ATAD5: variants seen among roughly 807,000 people sequenced by gnomAD.
ATAD5 encodes the protein ATPase family AAA domain containing 5, also known as ATPase family AAA domain-containing protein 5.
In ATAD5, 58 loss-of-function variants were observed where a neutral mutation model predicts 176.9. The observed-to-expected ratio is 0.33, with a 90% CI of 0.27 to 0.41. The LOEUF (loss-of-function observed/expected upper bound fraction) is 0.41. ATAD5 is among the 10% of genes least tolerant of loss of function. The probability of loss-of-function intolerance (pLI) is 1.00; values close to 1 mark genes in which losing one functional copy is unlikely to be tolerated. For synonymous variants in ATAD5, 640 were observed against 712.6 expected, an observed-to-expected ratio of 0.90 and a Z score of 1.62; for missense variants, 1,789 against 2,094.1, an observed-to-expected ratio of 0.85 and a Z score of 2.84.
chr17:30,869,047 C>G (rs1176934508), intron 12 of ATAD5, among the ~76,000 whole-genome samples: 3 of 150,876 alleles, frequency 2.0e-5, no homozygotes, highest in Non-Finnish European at 4.4e-5. Flanking sequence ...AGGCTGGTCT[C>G]GAACTCCTGA....
At chr17:30,892,577 A>G (rs1343796120) in intron 19 of ATAD5, 30 bp from the exon 20 acceptor site, 3 of 1,484,946 alleles carry the variant, frequency 2.0e-6, no homozygotes, top group East Asian at 4.7e-5. Flanking sequence ...TAATACATAT[A>G]TAGAGCTAAG....
intron 7 of ATAD5, 99 bp downstream of exon 7, chr17:30,855,426 C>A: frequency 8.1e-7 from 1 of 1,232,526 alleles, no homozygotes; most frequent in Non-Finnish European, 1.1e-6. Context: ...GTTTAATTAT[C>A]ATTCTTATGG....
intron 20 of ATAD5, among the ~76,000 whole-genome samples, 179 bp from the exon 21 acceptor site, chr17:30,893,115 A>G (rs1003766380): frequency 6.6e-6 from 1 of 152,186 alleles, no homozygotes; most frequent in Non-Finnish European, 1.5e-5. Flanking sequence ...TTAATCGTCT[A>G]AATTTAATTT....
At chr17:30,833,470 A>G (rs1905504789) in intron 1 of ATAD5, among the ~76,000 whole-genome samples, 1 of 152,226 alleles carries the variant, frequency 6.6e-6, no homozygotes, top group Non-Finnish European at 1.5e-5. Flanking sequence ...TCTACAAATG[A>G]AAGAAGGTAA....
chr17:30,882,551 C>T (rs1909089153), intron 18 of ATAD5, among the ~76,000 whole-genome samples: 1 of 151,756 alleles, frequency 6.6e-6, no homozygotes, highest in Non-Finnish European at 1.5e-5. Flanking sequence ...GATTGTGCCA[C>T]AGCACTCCAG....
chr17:30,880,347 G>A (rs961991655), intron 18 of ATAD5, among the ~76,000 whole-genome samples: 3 of 152,120 alleles, frequency 2.0e-5, no homozygotes, highest in East Asian at 1.9e-4. Context: ...AGTGGCTCAC[G>A]CCTGTAATCC....
chr17:30,856,117 A>C (rs1473510509), intron 7 of ATAD5, among the ~76,000 whole-genome samples: 3 of 152,194 alleles, frequency 2.0e-5, no homozygotes, highest in Non-Finnish European at 4.4e-5. Flanking sequence ...CTGCCATAAA[A>C]CTTAGCATAT....
At chr17:30,879,177 AAAACTT>A (rs1399528810) in intron 17 of ATAD5, among the ~76,000 whole-genome samples, 4 of 152,094 alleles carry the variant, frequency 2.6e-5, no homozygotes, top group Non-Finnish European at 5.9e-5. Flanking sequence ...TCTCTACAAA[AAAACTT>A]AAAAATTATC....
In ATAD5 at chr17:30,869,233, T is replaced by C; in HGVS notation, c.3314-15T>C. The stretch of plus-strand genomic sequence containing the variant: ...CAGCAATTGTCATTTTATATGCATT[T>C]GAATAATTTTTCAGATTTCTCGGGT... On this transcript the variant is annotated splice_polypyrimidine_tract_variant and intron_variant, in intron 12 of 22. Transcript: ENST00000321990. The C allele has an allele frequency of 6.3e-7, 1 of 1,590,250 alleles. No homozygotes were observed. Among genetic ancestry groups the C allele is most frequent in the Non-Finnish European group, 8.5e-7 (1 of 1,173,302 alleles).
At chr17:30,878,716 G>GTTTTTTTTTT (rs1567696442) in intron 17 of ATAD5, among the ~76,000 whole-genome samples, 1 of 82,658 alleles carries the variant, frequency 1.2e-5, no homozygotes. Context: ...AAGTTAGGTG[G>GTTTTTTTTTT]TGTTTTTTTT....
At chr17:30,859,827 G>T (rs1447812725) in intron 9 of ATAD5, among the ~76,000 whole-genome samples, 1 of 146,830 alleles carries the variant, frequency 6.8e-6, no homozygotes, top group African/African-American at 2.5e-5. Context: ...AGGTTCCACC[G>T]ATTCTCCTGC....
rs181925781 is a variant in ATAD5, at chr17:30,834,573, A to C, written c.492A>C (p.Gln164His). 3.2e-5 allele frequency: 52 copies of C among 1,608,266 alleles called. No individual in the cohort carries two copies. The Admixed American group carries it at 6.1e-4, about 19-fold the overall frequency. ...SSTSVLRYKK[Q>H]VEVLAENIQD... ...CTTCTGTTTTACGTTACAAGAAACA[A>C]GTAGAGGTACTTGCAGAAAACATTC... The change falls in exon 2 of 23, where the codon CAA (glutamine) becomes CAC (histidine). Residue 164 changes from glutamine to histidine, a missense_variant. Physicochemically the swap from Gln to His is conservative, Grantham distance 24. Around this residue, in one of 6 missense-constraint regions of ATAD5, gnomAD observed 696 missense variants for 712.5 expected, o/e 0.98. Coordinates refer to ENST00000321990, the MANE Select transcript of ATAD5 (RefSeq NM_024857.5).
intron 14 of ATAD5, among the ~76,000 whole-genome samples, chr17:30,875,619 A>G (rs1908609483): frequency 6.6e-6 from 1 of 151,882 alleles, no homozygotes; most frequent in Non-Finnish European, 1.5e-5. Context: ...CAACATGGCA[A>G]AACCCATCTC....
In ATAD5 at chr17:30,876,464, C is replaced by T. The variant is rs774092649; in HGVS notation, c.3698C>T (p.Pro1233Leu). The change falls in exon 15 of 23, where the codon CCT becomes CTT. Residue 1233 changes from proline to leucine, a missense_variant. Physicochemically the swap from Pro to Leu is moderately conservative, Grantham distance 98. This residue lies in a region of ATAD5 where 194 missense variants were observed against 270.1 expected (regional missense o/e 0.72). Coordinates refer to ENST00000321990, the MANE Select transcript of ATAD5 (RefSeq NM_024857.5). ...AGTAGTGGACCAAAGCGAGCACTTC[C>T]TCCCAAAACCTTGGCAAATTATTTT... ...PKSSGPKRAL[P>L]PKTLANYFKV... 2 of 1,609,606 alleles carry T rather than the reference C, an allele frequency of 1.2e-6. No homozygotes were observed. Among genetic ancestry groups the T allele is most frequent in the Admixed American group, 1.7e-5 (1 of 59,804 alleles).
chr17:30,863,958 C>G (rs1469758946), intron 10 of ATAD5: 3 of 151,850 alleles, frequency 2.0e-5, no homozygotes, highest in Non-Finnish European at 4.4e-5. Context: ...AACCACCGAG[C>G]CCGGCCTACT....
At chr17:30,844,111 G>A in intron 5 of ATAD5, 72 bp downstream of exon 5, 1 of 1,195,276 alleles carries the variant, frequency 8.4e-7, no homozygotes, top group Non-Finnish European at 1.1e-6. Context: ...TTGTTTTTGT[G>A]TTCTGGGGTA....
At chr17:30,869,746 C>G (rs58089675) in intron 14 of ATAD5, 100 bp downstream of exon 14, 153,728 of 1,327,438 alleles carry the variant, frequency 0.12, 10,096 homozygotes, top group South Asian at 0.24. Flanking sequence ...TTTTTATCTT[C>G]TACACGTACA....
chr17:30,874,295 C>A (rs925321917), intron 14 of ATAD5, among the ~76,000 whole-genome samples: 6 of 151,808 alleles, frequency 4.0e-5, no homozygotes, highest in Admixed American at 6.6e-5. Flanking sequence ...GTAATCCCAG[C>A]ACTTTGGGAG....
chr17:30,876,364 T>G lies in ATAD5; in HGVS notation c.3608-10T>G. The G allele has an allele frequency of 6.4e-7, 1 of 1,572,086 alleles. No homozygotes were observed. The highest frequency in any genetic ancestry group is 8.6e-7 in the Non-Finnish European group (1 of 1,164,114). On this transcript the variant is annotated splice_polypyrimidine_tract_variant and intron_variant, in intron 14 of 22. Transcript: ENST00000321990. ...ATATTTATCTTTAAGTGCAATTTGT[T>G]TTTGGGCAGAAAAAATAAGCTCCCC...
Sources: gnomAD v4.1 joint callset for allele counts (sites outside exome capture counted in the v4.1 genomes callset) on GRCh38, gnomAD v4.1.1 for gene constraint, gnomAD v4.1.1 regional missense constraint, MANE v1.5 for transcripts, NCBI Gene and HGNC (gene_info 2026-07-23, HGNC 2026-07-21) for gene names.